The following CREB3L2 variants were observed in gnomAD, a reference collection of about 807,000 sequenced individuals.
CREB3L2 encodes the protein cyclic AMP-responsive element-binding protein 3-like protein 2.
Under a neutral mutation model 57.2 loss-of-function variants are expected in CREB3L2, and 23 were observed. The ratio of observed to expected loss-of-function variants is 0.40; its 90% CI spans 0.29 to 0.57. The LOEUF is 0.57. Ranked by LOEUF, CREB3L2 falls within the 20% of genes least tolerant of loss-of-function variation. The probability of loss-of-function intolerance (pLI) is 0.42; values close to 1 mark genes in which losing one functional copy is unlikely to be tolerated. For synonymous variants in CREB3L2, 268 were observed against 265.1 expected, an observed-to-expected ratio of 1.01 and a Z score of -0.11; for missense variants, 628 against 634.7, an observed-to-expected ratio of 0.99 and a Z score of 0.11.
At position 137,919,012 on chromosome 7, in the gene CREB3L2, A is replaced by G. The variant is rs1344058152; in HGVS notation, c.320-3000T>C. Among the ~76,000 whole-genome samples the G allele has an allele frequency of 3.3e-5, 5 of 152,194 alleles. No individual in the cohort carries two copies. In the East Asian group the frequency reaches 9.6e-4, roughly 29 times the overall value. Reference sequence around the variant, plus strand: ...TCTCAAGGACAACTGTACATTTCCAAGAGAGAAGCCCAAGGAAGCGGCCTC... The same window carrying G: ...TCTCAAGGACAACTGTACATTTCCAGGAGAGAAGCCCAAGGAAGCGGCCTC... On this transcript the variant is annotated intron_variant, in intron 2 of 11. Transcript: ENST00000330387.
chr7:137,929,740 G>C, intron 1 of CREB3L2, among the ~76,000 whole-genome samples: 1 of 149,662 alleles, frequency 6.7e-6, no homozygotes, highest in Admixed American at 6.6e-5. Flanking sequence ...GTGGTGGCAG[G>C]CACCTGTAAT....
intron 1 of CREB3L2, among the ~76,000 whole-genome samples, chr7:137,993,254 T>G (rs766209261): frequency 2.6e-5 from 4 of 152,144 alleles, no homozygotes; most frequent in Admixed American, 6.5e-5. Flanking sequence ...GAAATCCAAA[T>G]AGGTGAAGTA....
chr7:137,913,135 A>ATGCAG, intron 3 of CREB3L2, 57 bp from the exon 4 acceptor site: 1 of 1,544,048 alleles, frequency 6.5e-7, no homozygotes. Flanking sequence ...TTGAAGACAC[A>ATGCAG]TGCAGGAGAG....
At chr7:137,894,149 T>C (rs1269665386) in intron 8 of CREB3L2, among the ~76,000 whole-genome samples, 1 of 152,220 alleles carries the variant, frequency 6.6e-6, no homozygotes, top group East Asian at 1.9e-4. Flanking sequence ...GCTGGTAACC[T>C]GGACAGATGA....
chr7:137,899,096 A>AAGGAAGGAAGGAAG, intron 8 of CREB3L2, among the ~76,000 whole-genome samples: 1 of 83,776 alleles, frequency 1.2e-5, no homozygotes, highest in South Asian at 4.8e-4. Context: ...AAAAGGAAAG[A>AAGGAAGGAAGGAAG]GAAGGAAGGA....
chr7:137,924,219 C>T (rs1252338092), intron 2 of CREB3L2, among the ~76,000 whole-genome samples: 1 of 152,208 alleles, frequency 6.6e-6, no homozygotes, highest in Non-Finnish European at 1.5e-5. Context: ...CTTTGTTCCA[C>T]CCTTGACTAC....
At chr7:137,998,433 C>T (rs910788285) in intron 1 of CREB3L2, among the ~76,000 whole-genome samples, 3 of 152,254 alleles carry the variant, frequency 2.0e-5, no homozygotes, top group Non-Finnish European at 1.5e-5. Flanking sequence ...TAGCTGCTTT[C>T]AGGCTCAGCA....
In CREB3L2 at chr7:137,876,459, A is replaced by G. The variant is rs1045186855; in HGVS notation, c.*4017T>C. The G allele has an allele frequency of 1.3e-5, 3 of 232,658 alleles. No individual in the cohort carries two copies. Among genetic ancestry groups the G allele is most frequent in the Non-Finnish European group, 2.5e-5 (3 of 117,858 alleles). The allele number at this position is 232,658 out of a possible 1,614,324, so 14.4% of individuals were successfully genotyped here. A position where few individuals can be genotyped will look rare whatever the true frequency, so the allele number is the denominator to read the frequency against. On this transcript the variant is annotated 3_prime_UTR_variant, in exon 12 of 12. Transcript: ENST00000330387. ...TTTCCTCAATCCCTTCTATTCCCCA[A>G]TATTCCCTAGGGCCTCAGGCAACAC... is the stretch of plus-strand genomic sequence containing the variant.
chr7:137,979,938 A>G (rs528639956), intron 1 of CREB3L2, among the ~76,000 whole-genome samples: 21 of 152,330 alleles, frequency 1.4e-4, no homozygotes, highest in Middle Eastern at 3.4e-3. Context: ...CTTGGGCTCC[A>G]TCTAGCTTGA....
intron 1 of CREB3L2, among the ~76,000 whole-genome samples, chr7:137,988,894 G>C (rs115077632): frequency 0.011 from 1,579 of 140,940 alleles, 16 homozygotes; most frequent in African/African-American, 0.038. Flanking sequence ...AGGAGTTCAA[G>C]ATCAGCCTGG....
intron 11 of CREB3L2, among the ~76,000 whole-genome samples, chr7:137,881,639 C>T (rs1392539762): frequency 6.6e-6 from 1 of 152,152 alleles, no homozygotes; most frequent in South Asian, 2.1e-4. Context: ...AAAATCTTTC[C>T]CATTTACATC....
At chr7:137,989,884 C>G (rs1034366235) in intron 1 of CREB3L2, among the ~76,000 whole-genome samples, 3 of 152,188 alleles carry the variant, frequency 2.0e-5, no homozygotes, top group Non-Finnish European at 4.4e-5. Context: ...AATCACATCT[C>G]CAGTCTAACC....
At chr7:137,966,932 C>T (rs1585664251) in intron 1 of CREB3L2, among the ~76,000 whole-genome samples, 1 of 152,166 alleles carries the variant, frequency 6.6e-6, no homozygotes, top group Admixed American at 6.5e-5. Context: ...AATCCCTAAC[C>T]CCCAATGTGA....
chr7:137,986,912 C>A (rs887922363), intron 1 of CREB3L2, among the ~76,000 whole-genome samples: 1 of 152,214 alleles, frequency 6.6e-6, no homozygotes, highest in Non-Finnish European at 1.5e-5. Context: ...GTGAAGACTG[C>A]CTTAGAACAT....
At chr7:137,910,432 A>C (rs888640469) in intron 4 of CREB3L2, among the ~76,000 whole-genome samples, 1 of 152,038 alleles carries the variant, frequency 6.6e-6, no homozygotes, top group Non-Finnish European at 1.5e-5. Flanking sequence ...CGCTATTCCC[A>C]CTACTGCCAC....
At chr7:137,898,960 AAAGG>A (rs145339071) in intron 8 of CREB3L2, among the ~76,000 whole-genome samples, 1,685 of 132,776 alleles carry the variant, frequency 0.013, 32 homozygotes, top group African/African-American at 0.036. Flanking sequence ...GGAAAGAAGG[AAAGG>A]AAGGAAGGAA....
intron 3 of CREB3L2, 68 bp downstream of exon 3, chr7:137,915,769 A>G: frequency 2.1e-6 from 3 of 1,399,482 alleles, no homozygotes; most frequent in Non-Finnish European, 3.0e-6. Context: ...TAAACACCTT[A>G]TTGGAGAATG....
chr7:137,887,360 G>A (rs947511387), intron 8 of CREB3L2, among the ~76,000 whole-genome samples: 16 of 151,830 alleles, frequency 1.1e-4, no homozygotes, highest in African/African-American at 3.7e-4. Flanking sequence ...GGATAGGAGT[G>A]GTGGGTGAAT....
chr7:137,899,118 AAGGAAG>A (rs1563244038), intron 8 of CREB3L2, among the ~76,000 whole-genome samples: 318 of 128,428 alleles, frequency 2.5e-3, no homozygotes, highest in East Asian at 7.4e-3. Context: ...GGAAGGAAGG[AAGGAAG>A]GAAGGAAGGA....
Sources: gnomAD v4.1 joint callset for allele counts (sites outside exome capture counted in the v4.1 genomes callset) on GRCh38, gnomAD v4.1.1 for gene constraint, MANE v1.5 for transcripts, NCBI Gene and HGNC (gene_info 2026-07-23, HGNC 2026-07-21) for gene names.